ANKS1B: variants seen among roughly 807,000 people sequenced by gnomAD.
ANKS1B encodes ankyrin repeat and sterile alpha motif domain-containing protein 1B.
Under a neutral mutation model 148.3 loss-of-function variants are expected in ANKS1B, and 36 were observed. The observed-to-expected ratio is 0.24, with a 90% CI of 0.19 to 0.32. ANKS1B has a LOEUF of 0.32. ANKS1B is among the 10% of genes least tolerant of loss of function. The pLI is 1.00. For missense variants in ANKS1B, 1,157 were observed against 1,542.6 expected (o/e 0.75, Z 4.19); for synonymous variants, 542 against 560.8 (o/e 0.97, Z 0.47).
chr12:98,864,136 T>C (rs2099613117), intron 17 of ANKS1B, among the ~76,000 whole-genome samples: 1 of 152,112 alleles, frequency 6.6e-6, no homozygotes, highest in South Asian at 2.1e-4. Flanking sequence ...ATGCTTTTTT[T>C]TTTTTTCATT....
rs139392132 is a variant in ANKS1B at position 99,174,607 on chromosome 12, G to A, written c.2420-20212C>T. Among the ~76,000 whole-genome samples the A allele has an allele frequency of 3.1e-4, 47 of 152,112 alleles. No individual in the cohort carries two copies. The East Asian group carries it at 8.3e-3, about 27-fold the overall frequency. On this transcript the variant is annotated intron_variant, in intron 14 of 26. Transcript: ENST00000683438. ...GCAAAGACTTAATCTTGGTGGTATT[G>A]GAAGTCTTACTTGAACCATTTGGAG...
At position 98,832,016 on chromosome 12, in the gene ANKS1B, G is replaced by T. The variant is rs151083082; in HGVS notation, c.2886+13C>A. Reference sequence around the variant, plus strand: ...TAAGGGCAGAGAACCAGATGAATGTGCTTGGCACTTACCCTGAGGGTGATG... The same window carrying T: ...TAAGGGCAGAGAACCAGATGAATGTTCTTGGCACTTACCCTGAGGGTGATG... On this transcript the variant is annotated intron_variant, in intron 18 of 26. Transcript: ENST00000683438. The T allele has an allele frequency of 4.0e-4, 625 of 1,570,574 alleles. 1 individual carries two copies. The African/African-American group carries it at 7.7e-3, about 19-fold the overall frequency.
At chr12:99,789,060 T>C (rs1016877634) in intron 4 of ANKS1B, among the ~76,000 whole-genome samples, 18 of 152,224 alleles carry the variant, frequency 1.2e-4, no homozygotes, top group African/African-American at 4.1e-4. Flanking sequence ...AAGATTAGGA[T>C]ACAGTGCTGA....
intron 17 of ANKS1B, among the ~76,000 whole-genome samples, chr12:98,873,912 G>C (rs1055665098): frequency 2.0e-5 from 3 of 147,628 alleles, no homozygotes; most frequent in Admixed American, 1.3e-4. Context: ...TATGGTGGGT[G>C]GGGGGAAAGG....
Position 99,941,113 on chromosome 12 carries a change from T to G in ANKS1B, c.134+42991A>C, listed in dbSNP as rs12299004. On this transcript the variant is annotated intron_variant, in intron 1 of 26. Transcript: ENST00000683438. ...TCACAGATGTTCAACAAATATTTAT[T>G]AAAGGAATAAATAAACAGAGGCAGG... 4.7e-3 allele frequency among the ~76,000 whole-genome samples: 722 copies of G among 152,178 alleles called. 12 individuals are homozygous for G. Among genetic ancestry groups the G allele is most frequent in the African/African-American group, 0.016 (678 of 41,538 alleles).
chr12:99,643,899 T>C (rs1234171164), intron 9 of ANKS1B, among the ~76,000 whole-genome samples: 1 of 152,244 alleles, frequency 6.6e-6, no homozygotes, highest in Non-Finnish European at 1.5e-5. Flanking sequence ...ACAAGTTATC[T>C]AGCCATGCTT....
At chr12:99,361,885 T>C (rs757722465) in intron 12 of ANKS1B, among the ~76,000 whole-genome samples, 1 of 152,054 alleles carries the variant, frequency 6.6e-6, no homozygotes, top group African/African-American at 2.4e-5. Context: ...CGCATTTCCT[T>C]AACATTCACA....
chr12:99,094,203 T>G (rs2055098283), intron 15 of ANKS1B, among the ~76,000 whole-genome samples: 1 of 152,242 alleles, frequency 6.6e-6, no homozygotes, highest in South Asian at 2.1e-4. Context: ...CTTTAGAATT[T>G]ACAGTCTAGT....
chr12:99,968,340 G>A (rs932508347), intron 1 of ANKS1B, among the ~76,000 whole-genome samples: 15 of 152,120 alleles, frequency 9.9e-5, no homozygotes, highest in Middle Eastern at 3.2e-3. Context: ...GATGGATCAC[G>A]AGGTCAGGAA....
rs531445568 is a variant in ANKS1B at position 98,936,123 on chromosome 12, G to C, written c.2779-103987C>G. Among the ~76,000 whole-genome samples the C allele has an allele frequency of 3.3e-5, 5 of 152,338 alleles. No homozygotes were observed. The East Asian group carries it at 7.7e-4, about 24-fold the overall frequency. On this transcript the variant is annotated intron_variant, in intron 17 of 26. Coordinates refer to ENST00000683438, the MANE Select transcript of ANKS1B (RefSeq NM_001352186.2). The stretch of plus-strand genomic sequence containing the variant: ...ATGGTATTTTATTGTTTAGGAAAGG[G>C]AGAGTAAAGAACATCTATTGAGAGT...
chr12:99,463,595 C>G (rs979453852), intron 10 of ANKS1B, among the ~76,000 whole-genome samples: 1 of 152,222 alleles, frequency 6.6e-6, no homozygotes, highest in African/African-American at 2.4e-5. Context: ...CCTAATACTG[C>G]GCTTTTCCGA....
chr12:98,918,366 A>T (rs1288013061), intron 17 of ANKS1B, among the ~76,000 whole-genome samples: 1 of 152,268 alleles, frequency 6.6e-6, no homozygotes, highest in Admixed American at 6.5e-5. Flanking sequence ...AGCGGAAGCT[A>T]TGAATACACA....
intron 25 of ANKS1B, among the ~76,000 whole-genome samples, chr12:98,766,144 T>C (rs2098477824): frequency 6.6e-6 from 1 of 152,210 alleles, no homozygotes; most frequent in Non-Finnish European, 1.5e-5. Context: ...ACCCCCAAAA[T>C]AGGGATGAGA....
chr12:99,936,863 C>G (rs1013933225), intron 1 of ANKS1B, among the ~76,000 whole-genome samples: 7 of 152,052 alleles, frequency 4.6e-5, no homozygotes, highest in Non-Finnish European at 1.0e-4. Context: ...GTTTTATAAC[C>G]TTATTTGATG....
At chr12:99,333,854 G>T (rs1261180731) in intron 12 of ANKS1B, among the ~76,000 whole-genome samples, 21 of 107,450 alleles carry the variant, frequency 2.0e-4, no homozygotes, top group African/African-American at 4.4e-4. Context: ...CCAGTTCTCA[G>T]TTTTTTTTTT....
At chr12:99,899,802 A>G (rs1243638501) in intron 1 of ANKS1B, among the ~76,000 whole-genome samples, 1 of 152,124 alleles carries the variant, frequency 6.6e-6, no homozygotes, top group Non-Finnish European at 1.5e-5. Context: ...TTTATAATCT[A>G]CCCTCAGGGA....
At chr12:99,363,954 G>A (rs2092627172) in intron 12 of ANKS1B, among the ~76,000 whole-genome samples, 2 of 152,030 alleles carry the variant, frequency 1.3e-5, no homozygotes, top group African/African-American at 4.8e-5. Context: ...AGGAAAACTA[G>A]GCATGTTTCC....
intron 10 of ANKS1B, among the ~76,000 whole-genome samples, chr12:99,455,133 G>T (rs1193331963): frequency 6.6e-6 from 1 of 151,970 alleles, no homozygotes; most frequent in East Asian, 1.9e-4. Flanking sequence ...TACTCTTAGT[G>T]GTCCCTGTAT....
At chr12:99,673,399 A>G (rs2098547501) in intron 8 of ANKS1B, among the ~76,000 whole-genome samples, 3 of 152,198 alleles carry the variant, frequency 2.0e-5, no homozygotes, top group South Asian at 4.1e-4. Flanking sequence ...CTTTGTTTTT[A>G]CATCCCAAAC....
Sources: allele counts gnomAD v4.1 joint callset (sites outside exome capture counted in the v4.1 genomes callset), GRCh38; gene constraint gnomAD v4.1.1; transcripts MANE v1.5; gene names NCBI Gene and HGNC (gene_info 2026-07-23, HGNC 2026-07-21).